Variants in GLIS3 observed in about 807,000 individuals in gnomAD.
GLIS3 encodes zinc finger protein GLIS3.
In GLIS3, 53 loss-of-function variants were observed where a neutral mutation model predicts 78.6. That is an observed-to-expected ratio of 0.67 (90% CI 0.54 to 0.85). The LOEUF (loss-of-function observed/expected upper bound fraction) is 0.85, where lower values mean the gene tolerates loss of function less well. GLIS3 is among the 40% of genes least tolerant of loss of function. The pLI, the probability that GLIS3 is intolerant of heterozygous loss-of-function variation, is 0.00. For synonymous variants in GLIS3, 684 were observed against 509.9 expected (o/e 1.34, Z -4.60); for missense variants, 1,703 against 1,231.1 (o/e 1.38, Z -5.74).
At chr9:3,976,891 C>T (rs781432694) in intron 4 of GLIS3, among the ~76,000 whole-genome samples, 39 of 114,156 alleles carry the variant, frequency 3.4e-4, no homozygotes, top group Middle Eastern at 0.015. Flanking sequence ...AAGCTTCTGA[C>T]AAGACAGAAA....
chr9:4,188,948 C>A (rs989435101), intron 2 of GLIS3, among the ~76,000 whole-genome samples: 2 of 152,134 alleles, frequency 1.3e-5, no homozygotes. Context: ...AACAAACCAG[C>A]TCCTGGATTC....
intron 2 of GLIS3, among the ~76,000 whole-genome samples, chr9:4,202,291 C>T (rs1257113988): frequency 6.6e-6 from 1 of 151,038 alleles, no homozygotes; most frequent in Non-Finnish European, 1.5e-5. Context: ...GCTGGGACTA[C>T]AGGCGCCCGC....
chr9:4,209,813 CCG>C (rs112616493), intron 2 of GLIS3, among the ~76,000 whole-genome samples: 92,030 of 146,928 alleles, frequency 0.63, 28,286 homozygotes, highest in African/African-American at 0.71. Flanking sequence ...AGTAGCATTC[CCG>C]CCCCCCCCCA....
At chr9:3,996,602 T>C (rs1820758828) in intron 4 of GLIS3, among the ~76,000 whole-genome samples, 1 of 152,002 alleles carries the variant, frequency 6.6e-6, no homozygotes, top group African/African-American at 2.4e-5. Flanking sequence ...TGGTAGCAAA[T>C]AAAAAATTGT....
intron 2 of GLIS3, among the ~76,000 whole-genome samples, chr9:4,133,039 C>T (rs1388241460): frequency 1.3e-5 from 2 of 152,208 alleles, no homozygotes; most frequent in Non-Finnish European, 2.9e-5. Flanking sequence ...TCTTCCCACA[C>T]TTTTCCTTGA....
chr9:3,933,081 G>A (rs573782291), intron 5 of GLIS3, among the ~76,000 whole-genome samples: 1 of 152,140 alleles, frequency 6.6e-6, no homozygotes, highest in African/African-American at 2.4e-5. Flanking sequence ...AAGTGAATAA[G>A]CTCTTGGCTG....
intron 4 of GLIS3, among the ~76,000 whole-genome samples, chr9:3,959,196 T>G (rs935961328): frequency 1.3e-5 from 2 of 152,166 alleles, no homozygotes. Context: ...TGAATGGGAT[T>G]AATGCCCATA....
chr9:4,370,856 A>C, the GLIS3 span, among the ~76,000 whole-genome samples: 1 of 152,232 alleles, frequency 6.6e-6, no homozygotes, highest in Non-Finnish European at 1.5e-5. Context: ...CAAAATAAAG[A>C]CATATGAATA....
At chr9:4,328,814 C>G (rs10435740) in intron 2 of GLIS3, among the ~76,000 whole-genome samples, 12,504 of 152,196 alleles carry the variant, frequency 0.082, 668 homozygotes, top group East Asian at 0.2. Flanking sequence ...GCACATGCAG[C>G]ATTTAGATCA....
chr9:4,107,426 C>A (rs776638862), intron 4 of GLIS3, among the ~76,000 whole-genome samples: 1 of 152,118 alleles, frequency 6.6e-6, no homozygotes, highest in East Asian at 1.9e-4. Context: ...AACCTCTCCA[C>A]AATCCTCAAC....
At chr9:4,196,632 A>C (rs1453671558) in intron 2 of GLIS3, among the ~76,000 whole-genome samples, 1 of 152,174 alleles carries the variant, frequency 6.6e-6, no homozygotes, top group East Asian at 1.9e-4. Context: ...TCACTCCTGA[A>C]GCCAGTGAGA....
intron 5 of GLIS3, among the ~76,000 whole-genome samples, chr9:3,933,497 A>C (rs967741780): frequency 6.6e-6 from 1 of 152,222 alleles, no homozygotes; most frequent in African/African-American, 2.4e-5. Context: ...AGATAAATCA[A>C]AATCTTCAGC....
intron 9 of GLIS3, among the ~76,000 whole-genome samples, chr9:3,853,729 A>T (rs1444071278): frequency 6.6e-6 from 1 of 152,230 alleles, no homozygotes; most frequent in Non-Finnish European, 1.5e-5. Flanking sequence ...CACTTTTTAA[A>T]GATTTCTTTA....
In GLIS3 at chr9:3,826,296, C is replaced by G. The variant is rs551474254; in HGVS notation, c.*1976G>C. ...GAGTTTTTTTCTTTCCAGAGTATGACAAAGGACGCATGAGGGATGCTACTA... is the reference window on the plus strand; with the variant it reads ...GAGTTTTTTTCTTTCCAGAGTATGAGAAAGGACGCATGAGGGATGCTACTA... On this transcript the variant is annotated 3_prime_UTR_variant, in exon 11 of 11. Transcript: ENST00000381971. 6.6e-6 allele frequency: 1 copy of G among 152,154 alleles called. No homozygotes were observed. The highest frequency in any genetic ancestry group is 6.5e-5 in the Admixed American group (1 of 15,292). The allele number at this position is 152,154 out of a possible 1,614,324, so 9.4% of individuals were successfully genotyped here. A position where few individuals can be genotyped will look rare whatever the true frequency, so the allele number is the denominator to read the frequency against.
In GLIS3 at chr9:3,893,557, G is replaced by C. The variant is rs1206250549; in HGVS notation, c.2128+5134C>G. Among the ~76,000 whole-genome samples, 8 of 152,264 alleles carry C rather than the reference G, an allele frequency of 5.3e-5. No homozygotes were observed. In the East Asian group the frequency reaches 9.6e-4, roughly 18 times the overall value. ...TATCCACCTATAGGTTTTATGTAGT[G>C]AGAAACAGAACTAGATACTACAGTG... On this transcript the variant is annotated intron_variant, in intron 7 of 10. Transcript: ENST00000381971.
intron 2 of GLIS3, among the ~76,000 whole-genome samples, chr9:4,312,361 G>C (rs1403614704): frequency 6.6e-6 from 1 of 152,064 alleles, no homozygotes; most frequent in Non-Finnish European, 1.5e-5. Context: ...CCAGCTACTG[G>C]GGAGGCTGGG....
chr9:4,134,254 AG>A (rs1833226726), intron 2 of GLIS3, among the ~76,000 whole-genome samples: 1 of 152,192 alleles, frequency 6.6e-6, no homozygotes, highest in African/African-American at 2.4e-5. Context: ...TGCAACTTTG[AG>A]GCTCAAAGTT....
chr9:4,169,021 T>A (rs1420736880), intron 2 of GLIS3, among the ~76,000 whole-genome samples: 1 of 152,234 alleles, frequency 6.6e-6, no homozygotes, highest in Non-Finnish European at 1.5e-5. Context: ...TGGATATTTT[T>A]TCCTATGGGT....
chr9:4,254,448 G>C (rs1587165757), intron 2 of GLIS3, among the ~76,000 whole-genome samples: 1 of 152,172 alleles, frequency 6.6e-6, no homozygotes, highest in African/African-American at 2.4e-5. Flanking sequence ...CAATTCCAAT[G>C]AAAGTCCTGA....
Sources: allele counts gnomAD v4.1 joint callset (sites outside exome capture counted in the v4.1 genomes callset), GRCh38; gene constraint gnomAD v4.1.1; transcripts MANE v1.5; gene names NCBI Gene and HGNC (gene_info 2026-07-23, HGNC 2026-07-21).